SRRM4: variants seen among roughly 807,000 people sequenced by gnomAD.
The protein encoded by SRRM4 is serine/arginine repetitive matrix 4.
A neutral mutation model predicts 68.9 loss-of-function variants in SRRM4; 33 were observed. That is an observed-to-expected ratio of 0.48 (90% confidence interval 0.36 to 0.64). The LOEUF is 0.64. SRRM4 is among the 30% of genes least tolerant of loss of function. The probability of loss-of-function intolerance (pLI) is 0.00; values close to 1 mark genes in which losing one functional copy is unlikely to be tolerated. For missense variants in SRRM4, 817 were observed against 827.1 expected (o/e 0.99, Z 0.15); for synonymous variants, 318 against 318.8 (o/e 1.00, Z 0.03).
At chr12:119,031,803 C>T (rs747416231) in intron 1 of SRRM4, among the ~76,000 whole-genome samples, 31 of 151,828 alleles carry the variant, frequency 2.0e-4, no homozygotes, top group Non-Finnish European at 4.1e-4. Context: ...TTAAAAAAAG[C>T]TGTTCAAAGT....
At chr12:119,147,837 T>C (rs1294894883) in intron 9 of SRRM4, among the ~76,000 whole-genome samples, 4 of 152,176 alleles carry the variant, frequency 2.6e-5, no homozygotes, top group Admixed American at 2.6e-4. Flanking sequence ...ACTCAAGAAA[T>C]CACAACAAAA....
chr12:119,024,351 A>C (rs1288819715), intron 1 of SRRM4, among the ~76,000 whole-genome samples: 1 of 152,168 alleles, frequency 6.6e-6, no homozygotes, highest in Admixed American at 6.5e-5. Context: ...ATCTCTGTGT[A>C]GTTACCAAAG....
chr12:119,138,378 CA>C (rs1225031421), intron 8 of SRRM4, among the ~76,000 whole-genome samples: 4 of 152,166 alleles, frequency 2.6e-5, no homozygotes, highest in African/African-American at 9.7e-5. Flanking sequence ...TATAGATCCT[CA>C]CCCTCTGCAC....
At chr12:119,001,571 A>T (rs1953384358) in intron 1 of SRRM4, 1 of 152,180 alleles carries the variant, frequency 6.6e-6, no homozygotes, top group South Asian at 2.1e-4. Flanking sequence ...TGGACCACGC[A>T]CTATGTTAAA....
intron 2 of SRRM4, among the ~76,000 whole-genome samples, chr12:119,108,323 T>G (rs1032773164): frequency 1.6e-4 from 25 of 152,326 alleles, no homozygotes; most frequent in African/African-American, 5.8e-4. Context: ...TGTAGATGTC[T>G]ATTAGGTCTG....
Position 118,981,811 on chromosome 12 carries a change from C to G in SRRM4, c.-72C>G. ...CCGGACAGAGCCGGGAGCTGGGTGT[C>G]GCCCCCGTTTGGAATCCACGTTTCA... On this transcript the variant is annotated 5_prime_UTR_variant, in exon 1 of 13. Transcript: ENST00000267260. The G allele has an allele frequency of 6.6e-7, 1 of 1,525,084 alleles. No individual in the cohort carries two copies. The highest frequency in any genetic ancestry group is 8.8e-7 in the Non-Finnish European group (1 of 1,131,008). 94.5% of individuals were successfully genotyped at this position (1,525,084 alleles called of 1,614,324 possible). A position where few individuals can be genotyped will look rare whatever the true frequency, so the allele number is the denominator to read the frequency against.
chr12:118,985,377 C>T (rs1012875148), intron 1 of SRRM4, among the ~76,000 whole-genome samples: 1 of 152,214 alleles, frequency 6.6e-6, no homozygotes, highest in Non-Finnish European at 1.5e-5. Context: ...AGACCAGGTA[C>T]TGTCAGTCTA....
intron 8 of SRRM4, among the ~76,000 whole-genome samples, chr12:119,142,165 C>G (rs1540399): frequency 0.52 from 78,680 of 152,002 alleles, 20,711 homozygotes; most frequent in African/African-American, 0.62. Context: ...CAGGACCGGG[C>G]TGTAAAAAAC....
At chr12:119,067,663 A>G (rs955191972) in intron 1 of SRRM4, among the ~76,000 whole-genome samples, 2 of 152,170 alleles carry the variant, frequency 1.3e-5, no homozygotes, top group Admixed American at 6.5e-5. Context: ...AGGCAAGATC[A>G]TGCCACTGCA....
intron 9 of SRRM4, among the ~76,000 whole-genome samples, chr12:119,149,598 T>C (rs1592917624): frequency 6.6e-6 from 1 of 151,760 alleles, no homozygotes; most frequent in Admixed American, 6.6e-5. Flanking sequence ...TCAAGGAAGG[T>C]TTTCCAGAAA....
At chr12:119,113,242 C>A (rs1446097088) in intron 2 of SRRM4, among the ~76,000 whole-genome samples, 4 of 152,118 alleles carry the variant, frequency 2.6e-5, no homozygotes, top group African/African-American at 9.7e-5. Context: ...TTAAATACAG[C>A]AGTACTTTAT....
In SRRM4 at chr12:119,025,584, A is replaced by AC. The variant is rs1165065871; in HGVS notation, c.131+43572dup. ...CTCAGCCTCCCGAGTAGCTGGGATT[A>AC]CAGGCATGTGCCACCATGACCAGCT... On this transcript the variant is annotated intron_variant, in intron 1 of 12. Coordinates refer to ENST00000267260, the MANE Select transcript of SRRM4 (RefSeq NM_194286.4). Among the ~76,000 whole-genome samples the AC allele has an allele frequency of 2.5e-3, 378 of 151,866 alleles. 2 individuals are homozygous for AC. The highest frequency in any genetic ancestry group is 8.1e-3 in the African/African-American group (333 of 41,218).
intron 6 of SRRM4, 139 bp from the exon 7 acceptor site, chr12:119,125,242 G>A: frequency 1.4e-6 from 1 of 728,480 alleles, no homozygotes; most frequent in Non-Finnish European, 2.3e-6. Context: ...AACGCATGGG[G>A]TTGAGGGAGA....
intron 5 of SRRM4, among the ~76,000 whole-genome samples, chr12:119,120,630 G>A (rs1470052526): frequency 6.6e-6 from 1 of 152,162 alleles, no homozygotes; most frequent in Non-Finnish European, 1.5e-5. Flanking sequence ...AAGGAACAGG[G>A]CCAAGTCCTC....
At chr12:118,983,367 G>A (rs1010028256) in intron 1 of SRRM4, among the ~76,000 whole-genome samples, 2 of 152,198 alleles carry the variant, frequency 1.3e-5, no homozygotes, top group Admixed American at 6.5e-5. Context: ...GTTTGCAGAC[G>A]GGAAGGAGGG....
intron 1 of SRRM4, among the ~76,000 whole-genome samples, chr12:118,983,734 C>T (rs983144472): frequency 6.6e-6 from 1 of 152,118 alleles, no homozygotes; most frequent in African/African-American, 2.4e-5. Flanking sequence ...CTATTATCTG[C>T]CTTGCTTGGT....
At chr12:119,075,012 G>A (rs1419229492) in intron 1 of SRRM4, among the ~76,000 whole-genome samples, 1 of 152,174 alleles carries the variant, frequency 6.6e-6, no homozygotes, top group Non-Finnish European at 1.5e-5. Flanking sequence ...GTGGGATTGA[G>A]GACTCCAAGG....
chr12:119,015,462 T>G (rs1481131854), intron 1 of SRRM4, among the ~76,000 whole-genome samples: 8 of 152,206 alleles, frequency 5.3e-5, no homozygotes, highest in Non-Finnish European at 1.2e-4. Flanking sequence ...TCTGTGCTGC[T>G]GTGCTCTGAA....
chr12:119,049,021 T>C (rs1051429859), intron 1 of SRRM4, among the ~76,000 whole-genome samples: 117 of 152,242 alleles, frequency 7.7e-4, no homozygotes, highest in Non-Finnish European at 1.2e-3. Flanking sequence ...CCAGACACTG[T>C]TCTAGGTGCT....
Sources: gnomAD v4.1 joint callset for allele counts (sites outside exome capture counted in the v4.1 genomes callset) on GRCh38, gnomAD v4.1.1 for gene constraint, MANE v1.5 for transcripts, NCBI Gene and HGNC (gene_info 2026-07-23, HGNC 2026-07-21) for gene names.